The following POFUT3 variants were observed in gnomAD, a reference collection of about 807,000 sequenced individuals.
POFUT3 encodes the protein protein O-fucosyltransferase 3.
chr8:33,342,091 A>C, the POFUT3 span, among the ~76,000 whole-genome samples: 6 of 152,098 alleles, frequency 3.9e-5, no homozygotes, highest in Non-Finnish European at 7.4e-5. Flanking sequence ...GAGGCAAGAG[A>C]ATTGCTTGAA....
the POFUT3 span, among the ~76,000 whole-genome samples, chr8:33,315,830 C>T: frequency 9.9e-5 from 15 of 152,124 alleles, no homozygotes; most frequent in Non-Finnish European, 1.9e-4. Context: ...ATATTTTCTT[C>T]TTCCCTTTGA....
chr8:33,366,148 A>G, the POFUT3 span, among the ~76,000 whole-genome samples: 1 of 152,214 alleles, frequency 6.6e-6, no homozygotes. Flanking sequence ...TCAGCAAACT[A>G]TCACAAGGAC....
the POFUT3 span, chr8:33,389,147 T>A: frequency 2.5e-6 from 4 of 1,614,186 alleles, no homozygotes; most frequent in Non-Finnish European, 1.7e-6. Context: ...CAATCTGTCA[T>A]CAGAATCCAG....
the POFUT3 span, chr8:33,372,114 C>A: frequency 1.0e-6 from 1 of 981,186 alleles, no homozygotes; most frequent in Non-Finnish European, 1.2e-6. Context: ...CACTTACATC[C>A]CTGGAAACCA....
chr8:33,391,228 A>C, the POFUT3 span, among the ~76,000 whole-genome samples: 2 of 152,256 alleles, frequency 1.3e-5, no homozygotes, highest in South Asian at 4.1e-4. Context: ...CATCAATGAG[A>C]AATCAATTAA....
the POFUT3 span, among the ~76,000 whole-genome samples, chr8:33,392,000 G>GCT: frequency 6.6e-6 from 1 of 152,178 alleles, no homozygotes; most frequent in Non-Finnish European, 1.5e-5. Flanking sequence ...TCAGATGAAT[G>GCT]CTCTCCTGCA....
At chr8:33,338,425 CCAGA>C in the POFUT3 span, among the ~76,000 whole-genome samples, 1 of 152,114 alleles carries the variant, frequency 6.6e-6, no homozygotes, top group Non-Finnish European at 1.5e-5. Context: ...AATCCTAAAG[CCAGA>C]CAAAGACATT....
At chr8:33,340,241 C>T in the POFUT3 span, among the ~76,000 whole-genome samples, 1 of 151,970 alleles carries the variant, frequency 6.6e-6, no homozygotes, top group Non-Finnish European at 1.5e-5. Context: ...AATGCACACA[C>T]ACACATATAT....
At chr8:33,330,194 C>T in the POFUT3 span, among the ~76,000 whole-genome samples, 1 of 152,058 alleles carries the variant, frequency 6.6e-6, no homozygotes, top group East Asian at 1.9e-4. Flanking sequence ...GCTTATAATC[C>T]CAGCACTTTG....
At chr8:33,345,398 CTTTT>C in the POFUT3 span, among the ~76,000 whole-genome samples, 7 of 122,448 alleles carry the variant, frequency 5.7e-5, no homozygotes, top group Non-Finnish European at 3.4e-5. Context: ...GTATATTTTA[CTTTT>C]TTTTTTTTTT....
the POFUT3 span, among the ~76,000 whole-genome samples, chr8:33,456,503 G>A: frequency 6.6e-5 from 10 of 151,428 alleles, no homozygotes; most frequent in African/African-American, 2.2e-4. Flanking sequence ...GATTACAAAC[G>A]CAGGCCACCA....
chr8:33,353,899 A>G, the POFUT3 span, among the ~76,000 whole-genome samples: 1 of 152,190 alleles, frequency 6.6e-6, no homozygotes, highest in Non-Finnish European at 1.5e-5. Context: ...GCCTCGGTAA[A>G]GAAACCAATA....
At chr8:33,325,861 GC>G in the POFUT3 span, among the ~76,000 whole-genome samples, 206 of 152,194 alleles carry the variant, frequency 1.4e-3, 1 homozygote, top group South Asian at 0.031. Context: ...CTTTAATCCA[GC>G]CCCCTCCATA....
chr8:33,339,930 G>A, the POFUT3 span, among the ~76,000 whole-genome samples: 91 of 152,120 alleles, frequency 6.0e-4, no homozygotes, highest in Middle Eastern at 3.4e-3. Context: ...TTTTAAAAGC[G>A]TTCTTAAAAG....
the POFUT3 span, among the ~76,000 whole-genome samples, chr8:33,441,142 C>A: frequency 6.6e-6 from 1 of 151,822 alleles, no homozygotes; most frequent in Non-Finnish European, 1.5e-5. Context: ...ACCAGCCTGG[C>A]CAACATGGTG....
At chr8:33,419,656 A>G in the POFUT3 span, among the ~76,000 whole-genome samples, 1 of 152,226 alleles carries the variant, frequency 6.6e-6, no homozygotes, top group African/African-American at 2.4e-5. Context: ...TATGCATGTA[A>G]CAAAATATTA....
At chr8:33,405,343 T>A in the POFUT3 span, among the ~76,000 whole-genome samples, 2 of 152,048 alleles carry the variant, frequency 1.3e-5, no homozygotes, top group Non-Finnish European at 2.9e-5. Context: ...AACCACTACA[T>A]CGTCTTAAGA....
the POFUT3 span, among the ~76,000 whole-genome samples, chr8:33,315,875 A>C: frequency 6.6e-6 from 1 of 152,086 alleles, no homozygotes; most frequent in African/African-American, 2.4e-5. Flanking sequence ...AAATCCAAGC[A>C]CATCTCCTAT....
chr8:33,440,479 C>G, the POFUT3 span, among the ~76,000 whole-genome samples: 5 of 152,188 alleles, frequency 3.3e-5, no homozygotes, highest in Non-Finnish European at 7.4e-5. Flanking sequence ...CCACTATAAC[C>G]CCCCCGCACC....
Sources: gnomAD v4.1 joint callset for allele counts (sites outside exome capture counted in the v4.1 genomes callset) on GRCh38, gnomAD v4.1.1 for gene constraint, MANE v1.5 for transcripts, NCBI Gene and HGNC (gene_info 2026-07-23, HGNC 2026-07-21) for gene names.